ADD2: variants seen among roughly 807,000 people sequenced by gnomAD.
The protein encoded by ADD2 is adducin 2, also known as beta-adducin.
A neutral mutation model predicts 83.0 loss-of-function variants in ADD2; 23 were observed. The ratio of observed to expected loss-of-function variants is 0.28; its 90% CI spans 0.20 to 0.39. The LOEUF (loss-of-function observed/expected upper bound fraction) is 0.39. Ranked by LOEUF, ADD2 falls within the 10% of genes least tolerant of loss-of-function variation. The pLI is 1.00. For synonymous variants in ADD2, 375 were observed against 375.4 expected (o/e 1.00, Z 0.01); for missense variants, 758 against 944.9 (o/e 0.80, Z 2.59).
At chr2:70,702,440 T>C (rs1671638826) in intron 4 of ADD2, among the ~76,000 whole-genome samples, 1 of 152,236 alleles carries the variant, frequency 6.6e-6, no homozygotes. Flanking sequence ...GTGCTGGGAT[T>C]ACAGGCATGA....
At chr2:70,721,817 T>A (rs1672743289) in intron 1 of ADD2, among the ~76,000 whole-genome samples, 1 of 152,210 alleles carries the variant, frequency 6.6e-6, no homozygotes, top group Admixed American at 6.5e-5. Context: ...GATTATAAAA[T>A]GGGTACTCCA....
chr2:70,694,858 C>T (rs1459982404), intron 6 of ADD2, among the ~76,000 whole-genome samples: 1 of 151,968 alleles, frequency 6.6e-6, no homozygotes, highest in Non-Finnish European at 1.5e-5. Flanking sequence ...TACCTCGCCT[C>T]TCTCCTCCAA....
chr2:70,683,875 A>T, intron 9 of ADD2, 108 bp from the exon 10 acceptor site: 2 of 1,287,334 alleles, frequency 1.6e-6, no homozygotes, highest in South Asian at 4.1e-5. Flanking sequence ...GAGAACTTAG[A>T]GGCCAAACTG....
chr2:70,690,217 C>T (rs2104314226), intron 8 of ADD2, among the ~76,000 whole-genome samples: 1 of 152,256 alleles, frequency 6.6e-6, no homozygotes, highest in South Asian at 2.1e-4. Context: ...CCACCTCAGC[C>T]TCCTGAGTAG....
intron 3 of ADD2, 23 bp from the exon 4 acceptor site, chr2:70,704,482 T>C: frequency 1.2e-6 from 2 of 1,612,926 alleles, no homozygotes; most frequent in Non-Finnish European, 1.7e-6. Context: ...CCGAGGTGCT[T>C]GTCCCCCCAC....
At position 70,767,641 on chromosome 2, in the gene ADD2, C is replaced by A. The variant is rs966985428; in HGVS notation, c.-154+245G>T. On this transcript the variant is annotated intron_variant, in intron 1 of 15. Transcript: ENST00000264436. ...ACGCTCCGGGCGAGGGTCCCACCATCCCCAAGCAGGGGCCAGTGCTTGCAG... is the reference window on the plus strand; with the variant it reads ...ACGCTCCGGGCGAGGGTCCCACCATACCCAAGCAGGGGCCAGTGCTTGCAG... 5 of 1,329,022 alleles carry A rather than the reference C, an allele frequency of 3.8e-6. No homozygotes were observed. The Admixed American group carries it at 1.5e-4, about 39-fold the overall frequency. 82.3% of individuals were successfully genotyped at this position (1,329,022 alleles called of 1,614,324 possible). A position where few individuals can be genotyped will look rare whatever the true frequency, so the allele number is the denominator to read the frequency against.
chr2:70,695,923 T>A (rs1411626546), intron 5 of ADD2, 122 bp from the exon 6 acceptor site: 11 of 815,154 alleles, frequency 1.3e-5, no homozygotes, highest in Admixed American at 2.2e-5. Flanking sequence ...AATGAACCCT[T>A]ATCTCTCCCC....
At chr2:70,703,930 C>T (rs950863175) in intron 4 of ADD2, among the ~76,000 whole-genome samples, 3 of 152,052 alleles carry the variant, frequency 2.0e-5, no homozygotes, top group Non-Finnish European at 4.4e-5. Context: ...GTGTTTTAAA[C>T]GTTATGGGCA....
chr2:70,717,038 C>T (rs1672504401), intron 1 of ADD2, among the ~76,000 whole-genome samples: 1 of 152,166 alleles, frequency 6.6e-6, no homozygotes, highest in Admixed American at 6.5e-5. Context: ...CTGTCTCTCT[C>T]ACCTCCTCCC....
chr2:70,700,075 A>G (rs1277801804), intron 4 of ADD2, among the ~76,000 whole-genome samples: 1 of 152,218 alleles, frequency 6.6e-6, no homozygotes, highest in Non-Finnish European at 1.5e-5. Flanking sequence ...ACCAAGAGAA[A>G]TGAACAGAAA....
At chr2:70,674,010 CA>C (rs1670018170) in intron 14 of ADD2, among the ~76,000 whole-genome samples, 1 of 152,160 alleles carries the variant, frequency 6.6e-6, no homozygotes, top group African/African-American at 2.4e-5. Context: ...TGGACACAAC[CA>C]AAAGCTGAAT....
rs1283411988 is a variant in ADD2, at chr2:70,697,722, G to C, written c.323-1326C>G. 3.9e-5 allele frequency among the ~76,000 whole-genome samples: 6 copies of C among 152,262 alleles called. No homozygotes were observed. The South Asian group carries it at 1.2e-3, about 32-fold the overall frequency. ...TGCCATTAGTGGAAGTGATGACGTGGTCTACAAAAGCGAGGGCGGACGATG... is the reference window on the plus strand; with the variant it reads ...TGCCATTAGTGGAAGTGATGACGTGCTCTACAAAAGCGAGGGCGGACGATG... On this transcript the variant is annotated intron_variant, in intron 4 of 15. Coordinates refer to ENST00000264436, the MANE Select transcript of ADD2 (RefSeq NM_001617.4).
chr2:70,767,677 C>T lies in ADD2; in HGVS notation c.-154+209G>A, dbSNP rs1675478406. The T allele has an allele frequency of 2.9e-6, 4 of 1,384,724 alleles. No individual in the cohort carries two copies. In the African/African-American group the frequency reaches 4.5e-5, roughly 16 times the overall value. 85.8% of individuals were successfully genotyped at this position (1,384,724 alleles called of 1,614,324 possible). A position where few individuals can be genotyped will look rare whatever the true frequency, so the allele number is the denominator to read the frequency against. ...GGCCAGTGCTTGCAGCCCCGATTTC[C>T]TAAGAGCCTCGGATGCTACATCATC... On this transcript the variant is annotated intron_variant, in intron 1 of 15. Coordinates refer to ENST00000264436, the MANE Select transcript of ADD2 (RefSeq NM_001617.4).
intron 9 of ADD2, among the ~76,000 whole-genome samples, chr2:70,687,703 A>T (rs571993999): frequency 5.3e-4 from 80 of 152,262 alleles, no homozygotes; most frequent in African/African-American, 1.9e-3. Context: ...CATGGTAAAA[A>T]ATTTCTTTGC....
At chr2:70,741,207 CA>C (rs1272562866) in intron 1 of ADD2, 1 of 152,124 alleles carries the variant, frequency 6.6e-6, no homozygotes, top group Non-Finnish European at 1.5e-5. Context: ...AAGAACACGG[CA>C]AAGAACAGTA....
rs551661977 is a variant in ADD2 at position 70,673,056 on chromosome 2, T to C, written c.1742-50A>G. On this transcript the variant is annotated intron_variant, in intron 14 of 15. Transcript: ENST00000264436. ...GGATAGAGGTCAAATAGAGAAGAGATGGGCAGGGAAATAAAGCCTTTTAAA... is the reference window on the plus strand; with the variant it reads ...GGATAGAGGTCAAATAGAGAAGAGACGGGCAGGGAAATAAAGCCTTTTAAA... 36 of 1,588,422 alleles carry C rather than the reference T, an allele frequency of 2.3e-5. 2 individuals carry two copies. The South Asian group carries it at 4.0e-4, about 18-fold the overall frequency.
intron 15 of ADD2, among the ~76,000 whole-genome samples, chr2:70,667,158 T>C (rs1675837750): frequency 6.6e-6 from 1 of 152,052 alleles, no homozygotes; most frequent in Non-Finnish European, 1.5e-5. Flanking sequence ...CCTTTGACTT[T>C]ATCTCCTGAA....
At chr2:70,714,746 G>C (rs1672377585) in intron 1 of ADD2, among the ~76,000 whole-genome samples, 1 of 152,158 alleles carries the variant, frequency 6.6e-6, no homozygotes, top group South Asian at 2.1e-4. Context: ...TATCTCCACT[G>C]CCCTCCCTAA....
rs376086375 is a variant in ADD2, at chr2:70,690,823, C to T, written c.812G>A (p.Arg271Gln). The change falls in exon 8 of 16, where the codon CGG (arginine) becomes CAG (glutamine). Residue 271 changes from arginine to glutamine, a missense_variant. By Grantham distance (43) the Arg-to-Gln change is conservative (BLOSUM62 1). Transcript: ENST00000264436. ...FNGEMEQEAD[R>Q]INLQKCLGPT... The stretch of plus-strand genomic sequence containing the variant: ...TCCAAGGCACTTCTGCAGGTTGATC[C>T]GATCGGCTTCCTGCTCCATTTCCCC... 33 of 1,614,128 alleles carry T rather than the reference C, an allele frequency of 2.0e-5. No homozygotes were observed. Among genetic ancestry groups the T allele is most frequent in the East Asian group, 1.1e-4 (5 of 44,870 alleles).
Sources: gnomAD v4.1 joint callset for allele counts (sites outside exome capture counted in the v4.1 genomes callset) on GRCh38, gnomAD v4.1.1 for gene constraint, MANE v1.5 for transcripts, NCBI Gene and HGNC (gene_info 2026-07-23, HGNC 2026-07-21) for gene names.